Variants in APIP observed in about 807,000 individuals in gnomAD.
APIP encodes the protein APAF1 interacting protein.
Under a neutral mutation model 32.0 loss-of-function variants are expected in APIP, and 32 were observed. That is an observed-to-expected ratio of 1.00 (90% CI 0.76 to 1.34). The LOEUF is 1.34. APIP is among the 40% of genes most tolerant of loss of function. The pLI is 0.00. For missense variants in APIP, 247 were observed against 298.6 expected (o/e 0.83, Z 1.27); for synonymous variants, 92 against 94.8 (o/e 0.97, Z 0.17).
intron 1 of APIP, among the ~76,000 whole-genome samples, chr11:34,913,649 G>A (rs1853595972): frequency 1.3e-5 from 2 of 152,170 alleles, no homozygotes; most frequent in Admixed American, 6.5e-5. Flanking sequence ...TGTGAAGAGC[G>A]AAAAAACAAA....
At chr11:34,898,786 GTTTTTTTTTTTTTTT>G (rs57593563) in intron 1 of APIP, among the ~76,000 whole-genome samples, 5 of 55,166 alleles carry the variant, frequency 9.1e-5, no homozygotes, top group East Asian at 7.0e-4. Context: ...TCTTTCTTTG[GTTTTTTTTTTTTTTT>G]TTTTTTTTTT....
At chr11:34,912,412 C>T (rs916589377) in intron 1 of APIP, among the ~76,000 whole-genome samples, 2 of 152,304 alleles carry the variant, frequency 1.3e-5, no homozygotes, top group Admixed American at 1.3e-4. Context: ...ATCTTTATCT[C>T]CAATCCAGTT....
At chr11:34,903,318 T>C (rs7127669) in intron 1 of APIP, among the ~76,000 whole-genome samples, 28,817 of 152,206 alleles carry the variant, frequency 0.19, 3,900 homozygotes, top group African/African-American at 0.39. Context: ...AGTATGCATA[T>C]GCAATGGTCA....
At position 34,882,676 on chromosome 11, in the gene APIP, GT is replaced by G. The variant is rs745772696; in HGVS notation, c.*40del. ...TAGCTTTCATTTAAATAATAATTAC[GT>G]TTAGCTTTATCTCTGTATATAATTA... is the stretch of plus-strand genomic sequence containing the variant. On this transcript the variant is annotated 3_prime_UTR_variant, in exon 7 of 7. Transcript: ENST00000395787. 6.6e-6 allele frequency: 9 copies of G among 1,371,228 alleles called. No individual in the cohort carries two copies. Among genetic ancestry groups the G allele is most frequent in the Admixed American group, 4.4e-5 (2 of 45,896 alleles). The allele number at this position is 1,371,228 out of a possible 1,614,324, so 84.9% of individuals were successfully genotyped here.
chr11:34,909,382 T>A (rs1348895086), intron 1 of APIP, among the ~76,000 whole-genome samples: 1 of 151,784 alleles, frequency 6.6e-6, no homozygotes. Context: ...ATAAATAAAC[T>A]GTAAAAAGTG....
At chr11:34,890,423 T>G (rs1024937025) in intron 3 of APIP, 81 bp downstream of exon 3, 143 of 1,351,706 alleles carry the variant, frequency 1.1e-4, no homozygotes, top group Non-Finnish European at 1.4e-4. Context: ...AAATGAATGT[T>G]TTCTCTTAAA....
intron 1 of APIP, chr11:34,896,932 C>T (rs1853282515): frequency 1.5e-6 from 1 of 654,634 alleles, no homozygotes. Flanking sequence ...AAACTGGAGA[C>T]CCCACTGAGG....
chr11:34,887,299 A>G (rs1853093539), intron 5 of APIP, among the ~76,000 whole-genome samples: 1 of 152,202 alleles, frequency 6.6e-6, no homozygotes, highest in Non-Finnish European at 1.5e-5. Context: ...CCAAAACAAT[A>G]ACATTCATAT....
Position 34,894,995 on chromosome 11 carries a change from C to A in APIP, c.158+15G>T. On this transcript the variant is annotated intron_variant, in intron 2 of 6. Coordinates refer to ENST00000395787, the MANE Select transcript of APIP (RefSeq NM_015957.4). ...AATGGAGAGTTCCCAGTAATAAAGGCTGCCAGAAACTTACCCATGCTTCAA... is the reference window on the plus strand; with the variant it reads ...AATGGAGAGTTCCCAGTAATAAAGGATGCCAGAAACTTACCCATGCTTCAA... 1.2e-6 allele frequency: 2 copies of A among 1,604,114 alleles called. No individual in the cohort carries two copies. The highest frequency in any genetic ancestry group is 2.2e-5 in the East Asian group (1 of 44,824).
At chr11:34,889,989 C>A (rs2133907086) in intron 3 of APIP, among the ~76,000 whole-genome samples, 1 of 103,034 alleles carries the variant, frequency 9.7e-6, no homozygotes, top group Middle Eastern at 5.2e-3. Context: ...ATTAACAAAG[C>A]AGCTTTTCTT....
At chr11:34,899,828 C>T (rs530347754) in intron 1 of APIP, among the ~76,000 whole-genome samples, 38 of 152,296 alleles carry the variant, frequency 2.5e-4, no homozygotes, top group Admixed American at 7.2e-4. Context: ...AGTTGGGGGA[C>T]GCCCCCACTG....
intron 2 of APIP, among the ~76,000 whole-genome samples, chr11:34,893,349 C>T (rs886658751): frequency 6.6e-6 from 1 of 152,086 alleles, no homozygotes; most frequent in Admixed American, 6.5e-5. Flanking sequence ...TTATTTTATA[C>T]ATACACAAAC....
At chr11:34,896,727 C>CAAT (rs2133912591) in intron 1 of APIP, 1 of 1,073,228 alleles carries the variant, frequency 9.3e-7, no homozygotes, top group East Asian at 7.9e-5. Context: ...CATAATAAAG[C>CAAT]AACAACAACA....
At chr11:34,908,706 C>T (rs909180660) in intron 1 of APIP, among the ~76,000 whole-genome samples, 7 of 152,194 alleles carry the variant, frequency 4.6e-5, no homozygotes, top group Non-Finnish European at 1.0e-4. Flanking sequence ...GAATTAACAC[C>T]AGTAGTCTGT....
At chr11:34,889,316 A>T (rs78885157) in intron 3 of APIP, among the ~76,000 whole-genome samples, 1 of 152,052 alleles carries the variant, frequency 6.6e-6, no homozygotes, top group Non-Finnish European at 1.5e-5. Flanking sequence ...CATTCCAAAG[A>T]TGGGTGTTAA....
At chr11:34,913,453 A>C (rs998486394) in intron 1 of APIP, among the ~76,000 whole-genome samples, 2 of 152,038 alleles carry the variant, frequency 1.3e-5, no homozygotes, top group African/African-American at 4.8e-5. Flanking sequence ...TGCTGACTTC[A>C]GGAGTGAAGC....
intron 1 of APIP, among the ~76,000 whole-genome samples, chr11:34,910,339 T>C (rs1490231810): frequency 6.6e-6 from 1 of 152,238 alleles, no homozygotes; most frequent in African/African-American, 2.4e-5. Flanking sequence ...CACTTTCATT[T>C]AGAAGTAAAT....
At chr11:34,911,584 A>C (rs1565141032) in intron 1 of APIP, among the ~76,000 whole-genome samples, 1 of 152,324 alleles carries the variant, frequency 6.6e-6, no homozygotes, top group Middle Eastern at 3.4e-3. Context: ...TCTGAGCCTA[A>C]ATTTTAAAAT....
chr11:34,890,055 GTAT>G (rs1272105499), intron 3 of APIP, among the ~76,000 whole-genome samples: 3 of 151,988 alleles, frequency 2.0e-5, no homozygotes, highest in Non-Finnish European at 4.4e-5. Context: ...TAGATTTGGG[GTAT>G]TATTCTGGCA....
Sources: gnomAD v4.1 joint callset for allele counts (sites outside exome capture counted in the v4.1 genomes callset) on GRCh38, gnomAD v4.1.1 for gene constraint, MANE v1.5 for transcripts, NCBI Gene and HGNC (gene_info 2026-07-23, HGNC 2026-07-21) for gene names.